Variants in INCENP observed in about 807,000 individuals in gnomAD.
INCENP encodes the protein binds and activates aurora-B and -C in vivo and in vitro.
A neutral mutation model predicts 107.3 loss-of-function variants in INCENP; 43 were observed. The observed-to-expected ratio is 0.40, with a 90% confidence interval of 0.31 to 0.52. The LOEUF (loss-of-function observed/expected upper bound fraction) is 0.52, where lower values mean the gene tolerates loss of function less well. INCENP is among the 20% of genes least tolerant of loss of function. The probability of loss-of-function intolerance (pLI) is 0.53; values close to 1 mark genes in which losing one functional copy is unlikely to be tolerated. For missense variants in INCENP, 1,089 were observed against 1,250.9 expected (o/e 0.87, Z 1.95); for synonymous variants, 488 against 494.4 (o/e 0.99, Z 0.17).
intron 17 of INCENP, among the ~76,000 whole-genome samples, chr11:62,149,106 C>T (rs776439320): frequency 7.9e-5 from 12 of 152,096 alleles, no homozygotes; most frequent in Non-Finnish European, 1.6e-4. Context: ...CTACTAAGCG[C>T]GTTGTATATC....
At chr11:62,144,868 C>G in intron 11 of INCENP, 114 bp from the exon 12 acceptor site, 1 of 935,478 alleles carries the variant, frequency 1.1e-6, no homozygotes, top group South Asian at 1.3e-5. Flanking sequence ...AAGAAGCATT[C>G]TGATGCTGCC....
At chr11:62,126,527 G>A (rs1943754755) in intron 1 of INCENP, among the ~76,000 whole-genome samples, 1 of 152,150 alleles carries the variant, frequency 6.6e-6, no homozygotes, top group African/African-American at 2.4e-5. Flanking sequence ...AAGTCAGGAT[G>A]GTGGATCACT....
chr11:62,150,180 C>T lies in INCENP; in HGVS notation c.2515C>T (p.Arg839Trp). ...CTCCACCGATGATGAGGCCCATCCC[C>T]GGAAGCCCATCCCCACCTGGGCCCG... Reference protein sequence around the residue: ...DDSTDDEAHPRKPIPTWARGT... With the variant: ...DDSTDDEAHPWKPIPTWARGT... The change falls in exon 18 of 19, where the codon CGG becomes TGG. Residue 839 changes from arginine (R) to tryptophan (W), a missense_variant. Arg to Trp is a moderately radical substitution (Grantham distance 101). Coordinates refer to ENST00000394818, the MANE Select transcript of INCENP (RefSeq NM_001040694.2). 2 of 1,614,076 alleles carry T rather than the reference C, an allele frequency of 1.2e-6. No homozygotes were observed. Among genetic ancestry groups the T allele is most frequent in the Non-Finnish European group, 1.7e-6 (2 of 1,180,032 alleles).
At position 62,135,971 on chromosome 11, in the gene INCENP, G is replaced by A. The variant is rs187561967; in HGVS notation, c.1064-1861G>A. ...ACTACAGGCGCCCACCACTACGCCCGGCTAATTTTTTGTATTTCTACTAGA... is the reference window on the plus strand; with the variant it reads ...ACTACAGGCGCCCACCACTACGCCCAGCTAATTTTTTGTATTTCTACTAGA... On this transcript the variant is annotated intron_variant, in intron 4 of 18. Transcript: ENST00000394818. 4.8e-3 allele frequency among the ~76,000 whole-genome samples: 723 copies of A among 152,116 alleles called. 1 individual carries two copies. Among genetic ancestry groups the A allele is most frequent in the African/African-American group, 0.014 (591 of 41,490 alleles).
chr11:62,151,540 C>T (rs1296451886), intron 18 of INCENP, among the ~76,000 whole-genome samples: 1 of 152,130 alleles, frequency 6.6e-6, no homozygotes, highest in Non-Finnish European at 1.5e-5. Context: ...CATGCGAGCT[C>T]TCAAGGACTT....
intron 11 of INCENP, among the ~76,000 whole-genome samples, chr11:62,142,787 G>C (rs1275005486): frequency 6.6e-6 from 1 of 152,216 alleles, no homozygotes; most frequent in Admixed American, 6.5e-5. Flanking sequence ...GTCAGCCTGG[G>C]ACTTGGCAGG....
At chr11:62,132,114 A>G (rs1312407658) in intron 4 of INCENP, among the ~76,000 whole-genome samples, 1 of 152,236 alleles carries the variant, frequency 6.6e-6, no homozygotes, top group African/African-American at 2.4e-5. Flanking sequence ...CGCATGTTAA[A>G]TAGTAGCTGG....
intron 17 of INCENP, 30 bp from the exon 18 acceptor site, chr11:62,150,027 G>A (rs768955243): frequency 1.2e-6 from 2 of 1,609,882 alleles, no homozygotes. Flanking sequence ...ATGCCATGGA[G>A]GGAACTGACG....
intron 15 of INCENP, among the ~76,000 whole-genome samples, chr11:62,147,355 C>A (rs1944274037): frequency 6.6e-6 from 1 of 152,186 alleles, no homozygotes; most frequent in African/African-American, 2.4e-5. Flanking sequence ...TGTTCCCCTG[C>A]CTTGGGAACC....
In INCENP at chr11:62,146,805, C is replaced by T. The variant is rs995913540; in HGVS notation, c.2107C>T (p.Arg703Cys). Residue 703 changes from arginine (R) to cysteine (C), a missense_variant, in exon 15 of 19, where the codon CGC becomes TGC. Transcript: ENST00000394818. ...GCAGGAGCGGCGCGAGCAGGAGCGG[C>T]GCGAGCAGGAGCGGCGGGAGCAGGA... ...REQERREQERREQERREQERR... is the reference protein window; with the variant it reads ...REQERREQERCEQERREQERR... The T allele has an allele frequency of 3.9e-6, 6 of 1,535,728 alleles. No homozygotes were observed. Among genetic ancestry groups the T allele is most frequent in the East Asian group, 2.5e-5 (1 of 40,502 alleles).
intron 18 of INCENP, among the ~76,000 whole-genome samples, chr11:62,150,811 C>T (rs2134687961): frequency 6.6e-6 from 1 of 152,286 alleles, no homozygotes. Flanking sequence ...GAAGTGGGTG[C>T]TGCCAGAGTG....
At position 62,148,807 on chromosome 11, in the gene INCENP, A is replaced by C. The variant is rs770928850; in HGVS notation, c.2352A>C (p.Ala784=). The change falls in exon 17 of 19, where the codon GCA becomes GCC. Residue 784 remains alanine, a synonymous_variant. Transcript: ENST00000394818. The part of the protein sequence containing the change: ...EEQEKKAKEA[A]GASKALNVTV... The stretch of plus-strand genomic sequence containing the variant: ...AAGAGAAGAAAGCCAAGGAGGCAGC[A>C]GGGGCCAGCAAGGCCCTGAATGTGA... 4 of 1,607,876 alleles carry C rather than the reference A, an allele frequency of 2.5e-6. No homozygotes were observed. Among genetic ancestry groups the C allele is most frequent in the Non-Finnish European group, 3.4e-6 (4 of 1,177,516 alleles).
At chr11:62,124,790 A>T (rs1294155389) in intron 1 of INCENP, among the ~76,000 whole-genome samples, 1 of 152,198 alleles carries the variant, frequency 6.6e-6, no homozygotes, top group East Asian at 1.9e-4. Flanking sequence ...GCACGGTTCT[A>T]TTTATGCCCC....
At position 62,145,735 on chromosome 11, in the gene INCENP, T is replaced by C. The variant is rs1447802035; in HGVS notation, c.1943T>C (p.Leu648Pro). Residue 648 changes from leucine to proline, a missense_variant, in exon 14 of 19, where the codon CTC (leucine) becomes CCC (proline). Transcript: ENST00000394818. ...RRKQEEEARR[L>P]RWLQQEEEER... Reference sequence around the variant, plus strand: ...AAGCAGGAAGAGGAGGCACGTAGGCTCAGGTGGCTGCAGCAGGTGCGAGCA... The same window carrying C: ...AAGCAGGAAGAGGAGGCACGTAGGCCCAGGTGGCTGCAGCAGGTGCGAGCA... The C allele has an allele frequency of 6.4e-6, 10 of 1,553,894 alleles. No homozygotes were observed. The highest frequency in any genetic ancestry group is 6.1e-6 in the Non-Finnish European group (7 of 1,148,830).
chr11:62,148,844 C>A lies in INCENP; in HGVS notation c.2389C>A (p.Gln797Lys). ...GGCCCTGAATGTGACTGTGGACGTG[C>A]AGGTGCCACCTGGGCCCCAGTGGAG... ...SKALNVTVDV[Q>K]SPACTSYQMT... The change falls in exon 17 of 19, where the codon CAG becomes AAG. Residue 797 changes from glutamine (Q) to lysine (K), a missense_variant and splice_region_variant. Transcript: ENST00000394818. 6.3e-7 allele frequency: 1 copy of A among 1,599,338 alleles called. No homozygotes were observed. The highest frequency in any genetic ancestry group is 1.3e-5 in the African/African-American group (1 of 74,526).
intron 3 of INCENP, 33 bp from the exon 4 acceptor site, chr11:62,129,749 C>G: frequency 6.4e-7 from 1 of 1,563,672 alleles, no homozygotes; most frequent in Non-Finnish European, 8.7e-7. Context: ...GTCCTGCTGC[C>G]CGTCTCAGCC....
In INCENP at chr11:62,138,989, C is replaced by T. The variant is rs761321636; in HGVS notation, c.1275C>T (p.Pro425=). ...PKPAASSPET[P]SAGQQEAKTD... ...CTGCAGCCAGCAGCCCGGAAACACCCTCTGCAGGGCAGCAAGGTGAGGCTT... is the reference window on the plus strand; with the variant it reads ...CTGCAGCCAGCAGCCCGGAAACACCTTCTGCAGGGCAGCAAGGTGAGGCTT... The change falls in exon 7 of 19, where the codon CCC becomes CCT. Residue 425 remains proline, a synonymous_variant. Transcript: ENST00000394818. The T allele has an allele frequency of 1.2e-6, 2 of 1,613,388 alleles. No individual in the cohort carries two copies. Among genetic ancestry groups the T allele is most frequent in the Non-Finnish European group, 1.7e-6 (2 of 1,179,364 alleles).
Position 62,128,902 on chromosome 11 carries a change from G to C in INCENP, c.254+19G>C. The C allele has an allele frequency of 6.6e-7, 1 of 1,514,094 alleles. No homozygotes were observed. The highest frequency in any genetic ancestry group is 9.2e-7 in the Non-Finnish European group (1 of 1,089,262). The allele number at this position is 1,514,094 out of a possible 1,614,324, so 93.8% of individuals were successfully genotyped here. A position where few individuals can be genotyped will look rare whatever the true frequency, so the allele number is the denominator to read the frequency against. ...GGAGAAGGTAGGAGGGGTTGGGGGA[G>C]AGTGAGCTGAGCAGTGGGCTCTGCG... On this transcript the variant is annotated intron_variant, in intron 3 of 18. Coordinates refer to ENST00000394818, the MANE Select transcript of INCENP (RefSeq NM_001040694.2).
chr11:62,134,607 A>G lies in INCENP; in HGVS notation c.1064-3225A>G, dbSNP rs560435093. 1.8e-4 allele frequency among the ~76,000 whole-genome samples: 27 copies of G among 152,306 alleles called. No individual in the cohort carries two copies. The East Asian group carries it at 5.0e-3, about 28-fold the overall frequency. ...AAGCCTATCACCTGTTTACATTAAGACTTTTTATGAAAAAATAACTTTTCC... is the reference window on the plus strand; with the variant it reads ...AAGCCTATCACCTGTTTACATTAAGGCTTTTTATGAAAAAATAACTTTTCC... On this transcript the variant is annotated intron_variant, in intron 4 of 18. Transcript: ENST00000394818.
Sources: gnomAD v4.1 joint callset for allele counts (sites outside exome capture counted in the v4.1 genomes callset) on GRCh38, gnomAD v4.1.1 for gene constraint, MANE v1.5 for transcripts, NCBI Gene and HGNC (gene_info 2026-07-23, HGNC 2026-07-21) for gene names.